PRDM16: variants seen among roughly 807,000 people sequenced by gnomAD.
The protein encoded by PRDM16 is histone-lysine N-methyltransferase PRDM16.
Under a neutral mutation model 110.6 loss-of-function variants are expected in PRDM16, and 23 were observed. That is an observed-to-expected ratio of 0.21 (90% confidence interval 0.15 to 0.29). The LOEUF is 0.29. Ranked by LOEUF, PRDM16 falls within the 10% of genes least tolerant of loss-of-function variation. The pLI, the probability that PRDM16 is intolerant of heterozygous loss-of-function variation, is 1.00. For missense variants in PRDM16, 1,615 were observed against 1,794.3 expected (o/e 0.90, Z 1.81); for synonymous variants, 799 against 781.8 (o/e 1.02, Z -0.37).
chr1:3,345,879 C>T (rs922120431), intron 3 of PRDM16, among the ~76,000 whole-genome samples: 1 of 151,596 alleles, frequency 6.6e-6, no homozygotes, highest in Admixed American at 6.6e-5. Flanking sequence ...GCAGCTGTCT[C>T]ACTCCACCCA....
intron 3 of PRDM16, among the ~76,000 whole-genome samples, chr1:3,291,141 G>A (rs556586514): frequency 6.4e-4 from 97 of 152,190 alleles, no homozygotes; most frequent in Non-Finnish European, 1.2e-3. Context: ...ATGAGGCAGG[G>A]CGTGGACCAG....
rs375543158 is a variant in PRDM16, at chr1:3,411,703, G to C, written c.1506G>C (p.Thr502=). ...ACCCGGGGAGCCTGCCCTTCTCCAC[G>C]GCGCCTCCCACGTTCCCCGCACTCA... The part of the protein sequence containing the change: ...RPHPGSLPFS[T]APPTFPALTP... The change falls in exon 9 of 17, where the codon ACG becomes ACC. Residue 502 remains threonine, a synonymous_variant. Coordinates refer to ENST00000270722, the MANE Select transcript of PRDM16 (RefSeq NM_022114.4). 1 of 1,610,022 alleles carries C rather than the reference G, an allele frequency of 6.2e-7. No individual in the cohort carries two copies. The highest frequency in any genetic ancestry group is 1.7e-5 in the Admixed American group (1 of 59,800).
intron 7 of PRDM16, among the ~76,000 whole-genome samples, chr1:3,405,133 G>A (rs956022135): frequency 6.6e-5 from 10 of 152,174 alleles, no homozygotes; most frequent in African/African-American, 1.2e-4. Flanking sequence ...TCCAGAGCGC[G>A]GCTCCTGTCC....
chr1:3,326,798 T>A (rs1452816950), intron 3 of PRDM16, among the ~76,000 whole-genome samples: 1 of 152,208 alleles, frequency 6.6e-6, no homozygotes, highest in East Asian at 1.9e-4. Context: ...CCGCGTGGCC[T>A]GACAGCAGGG....
intron 3 of PRDM16, among the ~76,000 whole-genome samples, chr1:3,325,069 G>A (rs1236297016): frequency 1.3e-5 from 2 of 152,340 alleles, no homozygotes; most frequent in South Asian, 2.1e-4. Context: ...CCAGCCCAGA[G>A]CTGGCTCAGC....
intron 1 of PRDM16, among the ~76,000 whole-genome samples, chr1:3,117,694 C>T (rs1348708074): frequency 6.6e-6 from 1 of 152,152 alleles, no homozygotes. Flanking sequence ...CTAGTCCAGG[C>T]CCAGGTCCCG....
chr1:3,396,857 G>A (rs749168738), intron 5 of PRDM16, among the ~76,000 whole-genome samples: 17 of 152,324 alleles, frequency 1.1e-4, no homozygotes, highest in Non-Finnish European at 1.9e-4. Context: ...ATTTAAGAAG[G>A]GCTTCGGGCA....
At chr1:3,162,654 A>T (rs1268161287) in intron 1 of PRDM16, among the ~76,000 whole-genome samples, 4 of 152,260 alleles carry the variant, frequency 2.6e-5, no homozygotes, top group African/African-American at 9.6e-5. Context: ...GCGCCGATGG[A>T]GGCGAATCAG....
At chr1:3,356,843 C>T (rs1199031243) in intron 3 of PRDM16, among the ~76,000 whole-genome samples, 1 of 152,134 alleles carries the variant, frequency 6.6e-6, no homozygotes. Flanking sequence ...GCTCTGGGAT[C>T]GATAAACTGT....
At chr1:3,357,545 C>G (rs1045952682) in intron 3 of PRDM16, among the ~76,000 whole-genome samples, 2 of 139,368 alleles carry the variant, frequency 1.4e-5, no homozygotes, top group Non-Finnish European at 2.9e-5. Flanking sequence ...CCCCTTGATC[C>G]AGGAAGCGCC....
chr1:3,204,497 A>G (rs1638707654), intron 2 of PRDM16, among the ~76,000 whole-genome samples: 1 of 152,228 alleles, frequency 6.6e-6, no homozygotes, highest in Admixed American at 6.5e-5. Context: ...AGAGGCCACC[A>G]GGGAAGTCTC....
chr1:3,413,296 AG>A (rs1320625423), intron 9 of PRDM16, among the ~76,000 whole-genome samples: 1 of 151,540 alleles, frequency 6.6e-6, no homozygotes, highest in Non-Finnish European at 1.5e-5. Context: ...GGGAATGGGG[AG>A]GGGGTGTCTT....
intron 8 of PRDM16, among the ~76,000 whole-genome samples, chr1:3,408,633 C>T (rs1329451605): frequency 4.3e-5 from 6 of 138,820 alleles, no homozygotes; most frequent in African/African-American, 5.4e-5. Context: ...AGTGTGGGTG[C>T]GTGAGCTGGT....
chr1:3,398,849 T>C (rs2100634484), intron 5 of PRDM16, among the ~76,000 whole-genome samples: 1 of 152,342 alleles, frequency 6.6e-6, no homozygotes, highest in Non-Finnish European at 1.5e-5. Context: ...CACTATATTT[T>C]GTGCTTTTGT....
At chr1:3,334,123 G>T (rs1409113658) in intron 3 of PRDM16, among the ~76,000 whole-genome samples, 1 of 152,160 alleles carries the variant, frequency 6.6e-6, no homozygotes, top group Non-Finnish European at 1.5e-5. Flanking sequence ...TGATTCCCTG[G>T]GCAGCTGCTT....
chr1:3,283,287 G>T (rs568510482), intron 3 of PRDM16, among the ~76,000 whole-genome samples: 1 of 152,302 alleles, frequency 6.6e-6, no homozygotes, highest in East Asian at 1.9e-4. Flanking sequence ...CCAGGCCTTG[G>T]CCAGGGCCCG....
intron 6 of PRDM16, among the ~76,000 whole-genome samples, chr1:3,403,598 G>A (rs1217713800): frequency 1.3e-5 from 2 of 152,334 alleles, no homozygotes; most frequent in African/African-American, 2.4e-5. Context: ...GCGGGCCCAC[G>A]GTGGCCCTCC....
chr1:3,424,784 G>A (rs1638544031), intron 12 of PRDM16: 1 of 146,292 alleles, frequency 6.8e-6, no homozygotes, highest in Non-Finnish European at 1.5e-5. Context: ...GAGGAGGAAG[G>A]TCACAGGGAG....
chr1:3,437,377 G>A lies in PRDM16; in HGVS notation c.*3566G>A, dbSNP rs1278941152. On this transcript the variant is annotated 3_prime_UTR_variant, in exon 17 of 17. Transcript: ENST00000270722. ...AATACATATCACGTATTTTAGACTC[G>A]AAGCCTCAAAGCACTGGATTGTGGT... The A allele has an allele frequency of 2.2e-5, 5 of 232,304 alleles. No individual in the cohort carries two copies. Among genetic ancestry groups the A allele is most frequent in the East Asian group, 1.2e-4 (2 of 16,466 alleles). The allele number at this position is 232,304 out of a possible 1,614,324, so 14.4% of individuals were successfully genotyped here.
Sources: allele counts gnomAD v4.1 joint callset (sites outside exome capture counted in the v4.1 genomes callset), GRCh38; gene constraint gnomAD v4.1.1; transcripts MANE v1.5; gene names NCBI Gene and HGNC (gene_info 2026-07-23, HGNC 2026-07-21).